PARD3: variants seen among roughly 807,000 people sequenced by gnomAD.
The protein encoded by PARD3 is partitioning defective 3 homolog.
In PARD3, 75 loss-of-function variants were observed where a neutral mutation model predicts 155.4. The ratio of observed to expected loss-of-function variants is 0.48; its 90% CI spans 0.40 to 0.58. The LOEUF is 0.58. Ranked by LOEUF, PARD3 falls within the 20% of genes least tolerant of loss-of-function variation. The pLI, the probability that PARD3 is intolerant of heterozygous loss-of-function variation, is 0.00. For synonymous variants in PARD3, 576 were observed against 610.5 expected (o/e 0.94, Z 0.83); for missense variants, 1,642 against 1,721.7 (o/e 0.95, Z 0.82).
At chr10:34,275,123 C>G (rs901570376) in intron 21 of PARD3, among the ~76,000 whole-genome samples, 1 of 152,202 alleles carries the variant, frequency 6.6e-6, no homozygotes, top group Non-Finnish European at 1.5e-5. Flanking sequence ...CGCCACCAGT[C>G]ACTGAGCCTA....
chr10:34,693,931 CTT>C (rs1435639595), intron 2 of PARD3, among the ~76,000 whole-genome samples: 1 of 152,078 alleles, frequency 6.6e-6, no homozygotes, highest in Non-Finnish European at 1.5e-5. Flanking sequence ...ATTCAAGTCT[CTT>C]TATTTAAAAG....
intron 21 of PARD3, among the ~76,000 whole-genome samples, chr10:34,280,684 A>G (rs1209823303): frequency 2.0e-5 from 3 of 152,092 alleles, no homozygotes; most frequent in Admixed American, 6.6e-5. Context: ...TAAGCTGAAC[A>G]CCGCTGAACC....
intron 2 of PARD3, among the ~76,000 whole-genome samples, chr10:34,588,471 A>G (rs1158368042): frequency 1.3e-5 from 2 of 152,106 alleles, no homozygotes; most frequent in African/African-American, 4.8e-5. Flanking sequence ...TCTACCTATC[A>G]CGTTTAATCA....
chr10:34,163,325 G>C lies in PARD3; in HGVS notation c.3420-31742C>G, dbSNP rs143122122. Among the ~76,000 whole-genome samples the C allele has an allele frequency of 5.1e-4, 78 of 152,312 alleles. 2 individuals are homozygous for C. The East Asian group carries it at 0.014, about 28-fold the overall frequency. On this transcript the variant is annotated intron_variant, in intron 22 of 24. Coordinates refer to ENST00000374788, the MANE Select transcript of PARD3 (RefSeq NM_001184785.2). ...AAGATTAGAGCCATCCAAGCTGGAG[G>C]AACCAGATAAGGCTTCTTGGGTGAG...
intron 22 of PARD3, among the ~76,000 whole-genome samples, chr10:34,248,691 C>T (rs1292522039): frequency 2.0e-5 from 3 of 152,224 alleles, no homozygotes; most frequent in Admixed American, 2.0e-4. Flanking sequence ...AGAAAAATGG[C>T]TGTGAAGCCG....
chr10:34,281,407 G>C (rs1956152215), intron 21 of PARD3, among the ~76,000 whole-genome samples: 1 of 152,120 alleles, frequency 6.6e-6, no homozygotes, highest in Admixed American at 6.5e-5. Flanking sequence ...TTCCCCCTTG[G>C]TATCACGCCC....
intron 21 of PARD3, among the ~76,000 whole-genome samples, chr10:34,272,617 C>A (rs1022802378): frequency 2.0e-5 from 3 of 152,042 alleles, no homozygotes; most frequent in Admixed American, 6.6e-5. Flanking sequence ...GTAATCCCAG[C>A]CACCCAGCTG....
chr10:34,398,377 C>T (rs1430641723), intron 7 of PARD3, among the ~76,000 whole-genome samples: 2 of 152,182 alleles, frequency 1.3e-5, no homozygotes, highest in African/African-American at 2.4e-5. Flanking sequence ...AAACTATGTT[C>T]TACGGTCTCA....
chr10:34,150,692 A>G (rs1309349468), intron 22 of PARD3, among the ~76,000 whole-genome samples: 2 of 152,154 alleles, frequency 1.3e-5, no homozygotes, highest in African/African-American at 2.4e-5. Context: ...TACCTGGGCT[A>G]TGGCAGGTGA....
intron 20 of PARD3, among the ~76,000 whole-genome samples, chr10:34,291,445 A>C (rs991858628): frequency 2.0e-4 from 30 of 152,170 alleles, no homozygotes; most frequent in Non-Finnish European, 1.5e-4. Context: ...GCACTTGTTG[A>C]ATGTTCTTTT....
chr10:34,682,126 A>G (rs1240742048), intron 2 of PARD3, among the ~76,000 whole-genome samples: 2 of 152,146 alleles, frequency 1.3e-5, no homozygotes, highest in Non-Finnish European at 2.9e-5. Flanking sequence ...CCCTGTTGAC[A>G]CTACCCACAA....
intron 1 of PARD3, among the ~76,000 whole-genome samples, chr10:34,745,869 G>A (rs983520779): frequency 3.3e-5 from 5 of 152,200 alleles, no homozygotes; most frequent in African/African-American, 9.6e-5. Context: ...GGGAGGTCAA[G>A]GCACGCAGAT....
chr10:34,760,018 AGG>A (rs1837240648), intron 1 of PARD3, among the ~76,000 whole-genome samples: 1 of 152,184 alleles, frequency 6.6e-6, no homozygotes, highest in Non-Finnish European at 1.5e-5. Context: ...CAATGCCACT[AGG>A]TATATAGGTT....
intron 19 of PARD3, among the ~76,000 whole-genome samples, chr10:34,322,798 G>A (rs1044088735): frequency 6.6e-6 from 1 of 152,142 alleles, no homozygotes; most frequent in African/African-American, 2.4e-5. Context: ...ACAATATGAA[G>A]AACTGCCCTT....
chr10:34,400,272 T>C (rs1356309579), intron 6 of PARD3, among the ~76,000 whole-genome samples: 8 of 152,178 alleles, frequency 5.3e-5, no homozygotes, highest in African/African-American at 1.9e-4. Flanking sequence ...GCTATTTATA[T>C]TATATGACAT....
At chr10:34,708,573 T>C (rs1020461586) in intron 1 of PARD3, among the ~76,000 whole-genome samples, 3 of 152,206 alleles carry the variant, frequency 2.0e-5, no homozygotes, top group African/African-American at 4.8e-5. Context: ...CTATTACTAA[T>C]GTGTATCTTT....
intron 3 of PARD3, among the ~76,000 whole-genome samples, chr10:34,503,061 A>C (rs2080823897): frequency 6.6e-6 from 1 of 152,162 alleles, no homozygotes; most frequent in South Asian, 2.1e-4. Flanking sequence ...GTTATTAAAA[A>C]AAATTGGCTA....
chr10:34,592,194 C>T (rs960977150), intron 2 of PARD3, among the ~76,000 whole-genome samples: 4 of 152,188 alleles, frequency 2.6e-5, no homozygotes, highest in African/African-American at 9.6e-5. Flanking sequence ...ATACACAACT[C>T]CCAGTGAATT....
At chr10:34,694,839 T>G (rs1378927074) in intron 2 of PARD3, among the ~76,000 whole-genome samples, 1 of 152,172 alleles carries the variant, frequency 6.6e-6, no homozygotes, top group Non-Finnish European at 1.5e-5. Flanking sequence ...AGAAAACATT[T>G]AAGATATGCA....
Sources: gnomAD v4.1 joint callset for allele counts (sites outside exome capture counted in the v4.1 genomes callset) on GRCh38, gnomAD v4.1.1 for gene constraint, MANE v1.5 for transcripts, NCBI Gene and HGNC (gene_info 2026-07-23, HGNC 2026-07-21) for gene names.